PLCB1: variants seen among roughly 807,000 people sequenced by gnomAD.
PLCB1 encodes 1-phosphatidylinositol 4,5-bisphosphate phosphodiesterase beta-1.
Under a neutral mutation model 161.8 loss-of-function variants are expected in PLCB1, and 46 were observed. That is an observed-to-expected ratio of 0.28 (90% CI 0.22 to 0.36). The LOEUF (loss-of-function observed/expected upper bound fraction) is 0.36. Ranked by LOEUF, PLCB1 falls within the 10% of genes least tolerant of loss-of-function variation. The pLI, the probability that PLCB1 is intolerant of heterozygous loss-of-function variation, is 1.00. For synonymous variants in PLCB1, 517 were observed against 503.7 expected (o/e 1.03, Z -0.35); for missense variants, 1,016 against 1,472.5 (o/e 0.69, Z 5.07).
intron 3 of PLCB1, among the ~76,000 whole-genome samples, chr20:8,620,086 A>G (rs539319084): frequency 1.3e-5 from 2 of 152,320 alleles, no homozygotes; most frequent in East Asian, 3.9e-4. Flanking sequence ...GTGGATGATA[A>G]TAGCAATGCC....
chr20:8,662,517 AT>A (rs958419447), intron 9 of PLCB1, among the ~76,000 whole-genome samples: 3 of 142,074 alleles, frequency 2.1e-5, no homozygotes, highest in African/African-American at 7.7e-5. Context: ...ATAATATATA[AT>A]TTTTTATAAT....
At chr20:8,866,474 C>T (rs975891516) in intron 31 of PLCB1, among the ~76,000 whole-genome samples, 1 of 152,136 alleles carries the variant, frequency 6.6e-6, no homozygotes, top group African/African-American at 2.4e-5. Context: ...CCAAATACTC[C>T]GGAAGTTGCA....
intron 12 of PLCB1, among the ~76,000 whole-genome samples, chr20:8,709,560 G>A (rs542384932): frequency 6.6e-6 from 1 of 152,186 alleles, no homozygotes; most frequent in Admixed American, 6.5e-5. Flanking sequence ...TTCCTATTGG[G>A]AGTCTTTCCC....
At chr20:8,260,991 C>T (rs192018797) in intron 2 of PLCB1, among the ~76,000 whole-genome samples, 2 of 152,268 alleles carry the variant, frequency 1.3e-5, no homozygotes, top group African/African-American at 2.4e-5. Context: ...GAAAGCACGG[C>T]TGCCTTGCCT....
chr20:8,851,469 G>A (rs1376347663), intron 31 of PLCB1, among the ~76,000 whole-genome samples: 1 of 152,198 alleles, frequency 6.6e-6, no homozygotes, highest in Non-Finnish European at 1.5e-5. Context: ...ATAACCCTGA[G>A]TGTCTACTCA....
chr20:8,323,897 C>A (rs1216522265), intron 2 of PLCB1, among the ~76,000 whole-genome samples: 1 of 150,974 alleles, frequency 6.6e-6, no homozygotes, highest in African/African-American at 2.4e-5. Flanking sequence ...AATGTATCAA[C>A]AATTATAATA....
intron 3 of PLCB1, among the ~76,000 whole-genome samples, chr20:8,600,379 C>T (rs1233860643): frequency 8.6e-6 from 1 of 116,762 alleles, no homozygotes; most frequent in Non-Finnish European, 1.8e-5. Context: ...TCAGTGTGCC[C>T]CTGCTGGGGG....
At chr20:8,226,015 C>T (rs1018237813) in intron 2 of PLCB1, among the ~76,000 whole-genome samples, 4 of 152,140 alleles carry the variant, frequency 2.6e-5, no homozygotes, top group African/African-American at 7.2e-5. Context: ...TCTTCCATCA[C>T]GGGATGGTGT....
At chr20:8,799,959 A>G (rs887279614) in intron 31 of PLCB1, among the ~76,000 whole-genome samples, 5 of 152,312 alleles carry the variant, frequency 3.3e-5, no homozygotes, top group South Asian at 4.1e-4. Flanking sequence ...AGACACAACC[A>G]TCCACTTATG....
intron 31 of PLCB1, among the ~76,000 whole-genome samples, chr20:8,858,273 C>T (rs1437532648): frequency 6.6e-6 from 1 of 152,132 alleles, no homozygotes; most frequent in South Asian, 2.1e-4. Context: ...AATGCGGCTC[C>T]TGTGTTCATT....
chr20:8,848,902 A>G (rs1017088126), intron 31 of PLCB1, among the ~76,000 whole-genome samples: 1 of 152,214 alleles, frequency 6.6e-6, no homozygotes, highest in African/African-American at 2.4e-5. Context: ...GCTGCCTAAC[A>G]TTTCTTAGTA....
At chr20:8,820,866 A>T (rs1985311243) in intron 31 of PLCB1, among the ~76,000 whole-genome samples, 1 of 152,238 alleles carries the variant, frequency 6.6e-6, no homozygotes, top group African/African-American at 2.4e-5. Flanking sequence ...TAGTTAAAAA[A>T]ACAAGTGGGA....
chr20:8,161,605 A>G (rs2051624528), intron 2 of PLCB1, among the ~76,000 whole-genome samples: 1 of 152,206 alleles, frequency 6.6e-6, no homozygotes, highest in Non-Finnish European at 1.5e-5. Context: ...TGTTTGAAAA[A>G]GAAACCTCAG....
At chr20:8,767,766 C>T (rs1224800906) in intron 26 of PLCB1, among the ~76,000 whole-genome samples, 2 of 152,120 alleles carry the variant, frequency 1.3e-5, no homozygotes, top group African/African-American at 2.4e-5. Flanking sequence ...CATTGAGTGT[C>T]AACAAAGTAC....
rs547622507 is a variant in PLCB1, at chr20:8,247,394, G to A, written c.177+97023G>A. On this transcript the variant is annotated intron_variant, in intron 2 of 31. Coordinates refer to ENST00000338037, the MANE Select transcript of PLCB1 (RefSeq NM_015192.4). Reference sequence around the variant, plus strand: ...TATCATTTCTTCTTGAAGGCCTAGTGACATAGAAATGAGGGTATCTTTAGA... The same window carrying A: ...TATCATTTCTTCTTGAAGGCCTAGTAACATAGAAATGAGGGTATCTTTAGA... Among the ~76,000 whole-genome samples, 9 of 151,986 alleles carry A rather than the reference G, an allele frequency of 5.9e-5. No individual in the cohort carries two copies. The South Asian group carries it at 1.7e-3, about 28-fold the overall frequency.
At position 8,884,753 on chromosome 20, in the gene PLCB1, G is replaced by T. The variant is rs2146341367; in HGVS notation, c.*2904G>T. ...GAAGCTCTTAAAATGTACATATTTT[G>T]GTTCTTCTATCTCAAATTATTTAAA... On this transcript the variant is annotated 3_prime_UTR_variant, in exon 32 of 32. Coordinates refer to ENST00000338037, the MANE Select transcript of PLCB1 (RefSeq NM_015192.4). 6.6e-6 allele frequency: 1 copy of T among 152,584 alleles called. No homozygotes were observed. The highest frequency in any genetic ancestry group is 1.9e-4 in the East Asian group (1 of 5,180). The allele number at this position is 152,584 out of a possible 1,614,324, so 9.5% of individuals were successfully genotyped here.
At chr20:8,375,573 A>G (rs543587190) in intron 3 of PLCB1, among the ~76,000 whole-genome samples, 4 of 152,198 alleles carry the variant, frequency 2.6e-5, no homozygotes, top group Non-Finnish European at 5.9e-5. Context: ...TGGGCAATAC[A>G]TATCGGAGAA....
At chr20:8,218,704 G>A (rs941728205) in intron 2 of PLCB1, among the ~76,000 whole-genome samples, 3 of 151,772 alleles carry the variant, frequency 2.0e-5, no homozygotes, top group African/African-American at 7.3e-5. Flanking sequence ...GAATTAGTCG[G>A]TCTCAAGGAA....
intron 2 of PLCB1, among the ~76,000 whole-genome samples, chr20:8,235,531 C>T (rs762567666): frequency 1.3e-5 from 2 of 152,156 alleles, no homozygotes; most frequent in Non-Finnish European, 2.9e-5. Flanking sequence ...TAGTAAGATG[C>T]TATCACAAAC....
Sources: allele counts gnomAD v4.1 joint callset (sites outside exome capture counted in the v4.1 genomes callset), GRCh38; gene constraint gnomAD v4.1.1; transcripts MANE v1.5; gene names NCBI Gene and HGNC (gene_info 2026-07-23, HGNC 2026-07-21).